The following PCNT variants were observed in gnomAD, a reference collection of about 807,000 sequenced individuals.
PCNT encodes the protein pericentrin, also known as kendrin.
A neutral mutation model predicts 380.4 loss-of-function variants in PCNT; 319 were observed. That is an observed-to-expected ratio of 0.84 (90% confidence interval 0.77 to 0.92). PCNT has a LOEUF of 0.92. Ranked by LOEUF, PCNT falls within the 40% of genes least tolerant of loss-of-function variation. The pLI is 0.00. For missense variants in PCNT, 4,400 were observed against 4,255.3 expected (o/e 1.03, Z -0.95); for synonymous variants, 1,845 against 1,735.2 (o/e 1.06, Z -1.57).
At chr21:46,383,076 G>A (rs1252743196) in intron 16 of PCNT, among the ~76,000 whole-genome samples, 1 of 147,694 alleles carries the variant, frequency 6.8e-6, no homozygotes, top group Middle Eastern at 3.5e-3. Context: ...TCACAGTGTT[G>A]TATATTCAGT....
Position 46,366,689 on chromosome 21 carries a change from GGA to G in PCNT, c.2720_2721del (p.Arg907ThrfsTer62). 1.2e-6 allele frequency: 2 copies of G among 1,613,886 alleles called. No individual in the cohort carries two copies. Among genetic ancestry groups the G allele is most frequent in the Non-Finnish European group, 1.7e-6 (2 of 1,180,038 alleles). On this transcript the variant is annotated frameshift_variant, in exon 15 of 47. Coordinates refer to ENST00000359568, the MANE Select transcript of PCNT (RefSeq NM_006031.6). LOFTEE classifies it high-confidence loss of function. ...QHARELQLLQERHQQQLLSVT... is the reference protein window; with the variant it reads ...QHARELQLLQXRHQQQLLSVT... ...ATGCCCGTGAGCTGCAGCTCCTCCA[GGA>G]GAGACACCAGCAGCAGCTCCTGTCA...
rs766875748 is a variant in PCNT, at chr21:46,389,216, A to T, written c.3625A>T (p.Thr1209Ser). The T allele has an allele frequency of 6.2e-7, 1 of 1,614,050 alleles. No homozygotes were observed. Among genetic ancestry groups the T allele is most frequent in the East Asian group, 2.2e-5 (1 of 44,878 alleles). ...ALSTAPALEE[T>S]WSDVALPELD... Reference sequence around the variant, plus strand: ...TCTTGTAGCTCCGGCGCTGGAGGAGACATGGTCTGATGTGGCCCTCCCGGA... The same window carrying T: ...TCTTGTAGCTCCGGCGCTGGAGGAGTCATGGTCTGATGTGGCCCTCCCGGA... Residue 1209 changes from threonine (T) to serine (S), a missense_variant, in exon 19 of 47, where the codon ACA (threonine) becomes TCA (serine). Coordinates refer to ENST00000359568, the MANE Select transcript of PCNT (RefSeq NM_006031.6).
rs900973157 is a variant in PCNT, at chr21:46,390,932, GAA to G, written c.4003+102_4003+103del. 48 of 1,416,810 alleles carry G rather than the reference GAA, an allele frequency of 3.4e-5. No homozygotes were observed. The Admixed American group carries it at 9.6e-4, about 28-fold the overall frequency. The allele number at this position is 1,416,810 out of a possible 1,614,324, so 87.8% of individuals were successfully genotyped here. ...GCCTTCAGAATAGGGTTTTTAAAGT[GAA>G]ATGTAAAAACAAAGCCAACATGGGA... On this transcript the variant is annotated intron_variant, in intron 20 of 46. Coordinates refer to ENST00000359568, the MANE Select transcript of PCNT (RefSeq NM_006031.6).
chr21:46,368,378 G>A (rs2085002890), intron 15 of PCNT, among the ~76,000 whole-genome samples: 1 of 151,962 alleles, frequency 6.6e-6, no homozygotes, highest in Admixed American at 6.5e-5. Context: ...AACCCGGGAG[G>A]CGGAGCTTGC....
At chr21:46,407,678 A>G (rs879747311) in intron 27 of PCNT, among the ~76,000 whole-genome samples, 49 of 152,008 alleles carry the variant, frequency 3.2e-4, no homozygotes, top group Non-Finnish European at 6.6e-4. Context: ...CACCTTATTA[A>G]CCATTTCCTT....
chr21:46,417,388 T>C (rs1312559646), intron 30 of PCNT, among the ~76,000 whole-genome samples: 1 of 151,900 alleles, frequency 6.6e-6, no homozygotes, highest in African/African-American at 2.4e-5. Context: ...GAGACGGGGT[T>C]TTACCTTATT....
intron 16 of PCNT, among the ~76,000 whole-genome samples, chr21:46,382,894 A>G (rs2085630082): frequency 7.5e-6 from 1 of 132,900 alleles, no homozygotes; most frequent in South Asian, 2.5e-4. Context: ...GCGGAAGCGC[A>G]TTCACGGTGT....
At chr21:46,375,755 G>A (rs754953689) in intron 15 of PCNT, among the ~76,000 whole-genome samples, 11 of 152,340 alleles carry the variant, frequency 7.2e-5, no homozygotes, top group South Asian at 2.1e-4. Flanking sequence ...AGCCCTGCCC[G>A]ACGTCTCCTG....
At chr21:46,332,442 A>G (rs2083588377) in intron 2 of PCNT, among the ~76,000 whole-genome samples, 1 of 152,238 alleles carries the variant, frequency 6.6e-6, no homozygotes, top group African/African-American at 2.4e-5. Flanking sequence ...ACTTTATAAG[A>G]AATTTGATCC....
intron 27 of PCNT, among the ~76,000 whole-genome samples, chr21:46,408,500 C>A (rs1262107389): frequency 3.3e-5 from 5 of 152,178 alleles, no homozygotes; most frequent in Non-Finnish European, 7.3e-5. Flanking sequence ...AGTTGCACTA[C>A]CGTTTTACAT....
intron 31 of PCNT, among the ~76,000 whole-genome samples, chr21:46,419,568 G>A (rs1269536133): frequency 6.6e-6 from 1 of 152,208 alleles, no homozygotes; most frequent in African/African-American, 2.4e-5. Context: ...GAGCCGCTGG[G>A]AGCGTGCGTC....
chr21:46,429,796 C>T (rs776610865), intron 35 of PCNT, among the ~76,000 whole-genome samples: 21 of 152,116 alleles, frequency 1.4e-4, no homozygotes, highest in Middle Eastern at 6.8e-3. Context: ...CTGTGTCTCC[C>T]GGCCAGGTGG....
At chr21:46,399,564 T>A in intron 24 of PCNT, 26 bp from the exon 25 acceptor site, 1 of 1,536,674 alleles carries the variant, frequency 6.5e-7, no homozygotes, top group Non-Finnish European at 9.0e-7. Context: ...TCTATTGTAT[T>A]CCTCAAGCAT....
intron 15 of PCNT, among the ~76,000 whole-genome samples, chr21:46,369,405 A>G (rs533766835): frequency 3.6e-4 from 55 of 152,330 alleles, no homozygotes; most frequent in Non-Finnish European, 6.0e-4. Flanking sequence ...AGCTGGAGCC[A>G]TGTTGTCTTT....
chr21:46,344,207 G>A (rs2083995175), intron 3 of PCNT, among the ~76,000 whole-genome samples: 3 of 151,930 alleles, frequency 2.0e-5, no homozygotes, highest in Non-Finnish European at 4.4e-5. Flanking sequence ...CCGAGTAGCT[G>A]GGACTACAGG....
chr21:46,366,964 T>C lies in PCNT; in HGVS notation c.2990T>C (p.Phe997Ser). The C allele has an allele frequency of 1.2e-6, 2 of 1,614,188 alleles. No individual in the cohort carries two copies. The highest frequency in any genetic ancestry group is 1.7e-6 in the Non-Finnish European group (2 of 1,180,030). ...RQALELLRAD[F>S]EEQLWKKDSL... Reference sequence around the variant, plus strand: ...GCCCTAGAGCTCTTACGAGCAGACTTTGAGGAACAACTGTGGAAAAAGGAC... The same window carrying C: ...GCCCTAGAGCTCTTACGAGCAGACTCTGAGGAACAACTGTGGAAAAAGGAC... The change falls in exon 15 of 47, where the codon TTT becomes TCT. Residue 997 changes from phenylalanine to serine, a missense_variant. By Grantham distance (155) the Phe-to-Ser change is radical. Transcript: ENST00000359568.
In PCNT at chr21:46,334,310, G is replaced by T. The variant is rs188261846; in HGVS notation, c.268-87G>T. The T allele has an allele frequency of 2.0e-3, 3,145 of 1,589,302 alleles. 6 individuals carry two copies. The highest frequency in any genetic ancestry group is 3.2e-3 in the Middle Eastern group (16 of 5,008). ...TACTTGTTAAATGAAGTCAGCACAG[G>T]CCTGCAGATAGAGGAGCTGGGAAGG... is the stretch of plus-strand genomic sequence containing the variant. On this transcript the variant is annotated intron_variant, in intron 2 of 46. Transcript: ENST00000359568.
intron 3 of PCNT, among the ~76,000 whole-genome samples, chr21:46,342,771 C>T (rs974588381): frequency 2.0e-5 from 3 of 152,040 alleles, no homozygotes; most frequent in South Asian, 2.1e-4. Context: ...CCTCGTGATC[C>T]GCCTGCCTCG....
intron 16 of PCNT, 23 bp downstream of exon 16, chr21:46,381,863 T>C: frequency 6.2e-7 from 1 of 1,613,248 alleles, no homozygotes; most frequent in Non-Finnish European, 8.5e-7. Flanking sequence ...CGCTGTTCCC[T>C]TGTGATAAGA....
Sources: gnomAD v4.1 joint callset for allele counts (sites outside exome capture counted in the v4.1 genomes callset) on GRCh38, gnomAD v4.1.1 for gene constraint, MANE v1.5 for transcripts, NCBI Gene and HGNC (gene_info 2026-07-23, HGNC 2026-07-21) for gene names.